The following PRG4 variants were observed in gnomAD, a reference collection of about 807,000 sequenced individuals.
The protein encoded by PRG4 is proteoglycan 4.
A neutral mutation model predicts 91.2 loss-of-function variants in PRG4; 61 were observed. The observed-to-expected ratio is 0.67, with a 90% CI of 0.54 to 0.83. PRG4 has a LOEUF of 0.83. Among genes scored for constraint, PRG4 ranks in the 40% least tolerant of loss-of-function variants. The probability of loss-of-function intolerance (pLI) is 0.00; values close to 1 mark genes in which losing one functional copy is unlikely to be tolerated. For missense variants in PRG4, 1,564 were observed against 1,714.2 expected, an observed-to-expected ratio of 0.91 and a Z score of 1.55; for synonymous variants, 576 against 614.2, an observed-to-expected ratio of 0.94 and a Z score of 0.92.
rs749892673 is a variant in PRG4 at position 186,313,740 on chromosome 1, G to A, written c.4177G>A (p.Gly1393Arg). The change falls in exon 13 of 13, where the codon GGG (glycine) becomes AGG (arginine). Residue 1393 changes from glycine (G) to arginine (R), a missense_variant. Physicochemically the swap from Gly to Arg is moderately radical, Grantham distance 125. Coordinates refer to ENST00000445192, the MANE Select transcript of PRG4 (RefSeq NM_005807.6). ...AGCAAGAGCAATTACTACTCGTTCT[G>A]GGCAGACCTTATCCAAAGTCTGGTA... The part of the protein sequence containing the change: ...RTARAITTRS[G>R]QTLSKVWYNC... 1 of 1,609,664 alleles carries A rather than the reference G, an allele frequency of 6.2e-7. No individual in the cohort carries two copies. Among genetic ancestry groups the A allele is most frequent in the East Asian group, 2.2e-5 (1 of 44,756 alleles).
chr1:186,302,779 T>C (rs1412062756), intron 4 of PRG4, among the ~76,000 whole-genome samples: 1 of 152,218 alleles, frequency 6.6e-6, no homozygotes, highest in African/African-American at 2.4e-5. Context: ...GTTTTGGCTG[T>C]GAGACAAGAA....
At position 186,308,408 on chromosome 1, in the gene PRG4, G is replaced by C. The variant is rs1157710917; in HGVS notation, c.2689G>C (p.Gly897Arg). 1 of 1,613,794 alleles carries C rather than the reference G, an allele frequency of 6.2e-7. No individual in the cohort carries two copies. The highest frequency in any genetic ancestry group is 8.5e-7 in the Non-Finnish European group (1 of 1,180,042). ...TCTTGAAAACAGTCCCAAGGAACCT[G>C]GTGTACCTACAACTAAGACTCCTGC... ...KALENSPKEP[G>R]VPTTKTPAAT... The change falls in exon 7 of 13, where the codon GGT becomes CGT. Residue 897 changes from glycine to arginine, a missense_variant. By Grantham distance (125) the Gly-to-Arg change is moderately radical (BLOSUM62 -2). Coordinates refer to ENST00000445192, the MANE Select transcript of PRG4 (RefSeq NM_005807.6).
chr1:186,308,314 G>A lies in PRG4; in HGVS notation c.2595G>A (p.Glu865=). Residue 865 remains glutamate (E), a synonymous_variant, in exon 7 of 13, where the codon GAG becomes GAA. Coordinates refer to ENST00000445192, the MANE Select transcript of PRG4 (RefSeq NM_005807.6). ...SEVSTPTTTK[E]PTTIHKSPDE... Reference sequence around the variant, plus strand: ...TCTCTACTCCAACTACCACCAAGGAGCCTACCACTATCCACAAAAGCCCTG... The same window carrying A: ...TCTCTACTCCAACTACCACCAAGGAACCTACCACTATCCACAAAAGCCCTG... 1.2e-6 allele frequency: 2 copies of A among 1,613,910 alleles called. No individual in the cohort carries two copies. The highest frequency in any genetic ancestry group is 1.7e-6 in the Non-Finnish European group (2 of 1,180,022).
chr1:186,304,780 T>C lies in PRG4; in HGVS notation c.470-14T>C, dbSNP rs966368958. 1.9e-6 allele frequency: 3 copies of C among 1,609,268 alleles called. No homozygotes were observed. Among genetic ancestry groups the C allele is most frequent in the Non-Finnish European group, 2.6e-6 (3 of 1,176,004 alleles). ...TCACAGTTGGTGTGATCAAACTTTCTATTTGATTTATAGAACATTCTGTTT... is the reference window on the plus strand; with the variant it reads ...TCACAGTTGGTGTGATCAAACTTTCCATTTGATTTATAGAACATTCTGTTT... On this transcript the variant is annotated splice_polypyrimidine_tract_variant and intron_variant, in intron 5 of 12. Coordinates refer to ENST00000445192, the MANE Select transcript of PRG4 (RefSeq NM_005807.6).
At position 186,307,882 on chromosome 1, in the gene PRG4, A is replaced by C; in HGVS notation, c.2163A>C (p.Ala721=). 2 of 1,556,896 alleles carry C rather than the reference A, an allele frequency of 1.3e-6. No homozygotes were observed. Among genetic ancestry groups the C allele is most frequent in the Non-Finnish European group, 1.7e-6 (2 of 1,155,398 alleles). Residue 721 remains alanine (A), a synonymous_variant, in exon 7 of 13, where the codon GCA becomes GCC. Coordinates refer to ENST00000445192, the MANE Select transcript of PRG4 (RefSeq NM_005807.6). The part of the protein sequence containing the change: ...GTAPTTLKEP[A]PTTPKKPAPK... ...CTCCAACTACCCTCAAGGAACCTGC[A>C]CCCACTACTCCCAAGAAGCCTGCCC...
In PRG4 at chr1:186,312,899, G is replaced by A; in HGVS notation, c.4117+5G>A. 6.2e-7 allele frequency: 1 copy of A among 1,610,756 alleles called. No homozygotes were observed. On this transcript the variant is annotated splice_donor_5th_base_variant and intron_variant, in intron 12 of 12. Transcript: ENST00000445192. ...ATTACTATGCCTTTTCTAAAGGTAA[G>A]GTATTAACTAACAGTTTCCCAAGGA...
chr1:186,308,897 C>T lies in PRG4; in HGVS notation c.3178C>T (p.Pro1060Ser). The change falls in exon 7 of 13, where the codon CCA (proline) becomes TCA (serine). Residue 1060 changes from proline to serine, a missense_variant. Around this residue, in one of 3 missense-constraint regions of PRG4, gnomAD observed 1,079 missense variants for 1,162.2 expected, o/e 0.93. Coordinates refer to ENST00000445192, the MANE Select transcript of PRG4 (RefSeq NM_005807.6). ...TCCCCGCAAGATGACATCAACAATGCCAGAATTGAACCCTACCTCAAGAAT... is the reference window on the plus strand; with the variant it reads ...TCCCCGCAAGATGACATCAACAATGTCAGAATTGAACCCTACCTCAAGAAT... The part of the protein sequence containing the change: ...PTPRKMTSTM[P>S]ELNPTSRIAE... The T allele has an allele frequency of 6.2e-7, 1 of 1,613,534 alleles. No homozygotes were observed. The highest frequency in any genetic ancestry group is 8.5e-7 in the Non-Finnish European group (1 of 1,179,806).
In PRG4 at chr1:186,311,058, C is replaced by G. The variant is rs995117613; in HGVS notation, c.3524C>G (p.Pro1175Arg). Reference sequence around the variant, plus strand: ...GGTCATTATTTCTGGATGCTAAGTCCATTCAGTCCACCATCTCCAGCTCGC... The same window carrying G: ...GGTCATTATTTCTGGATGCTAAGTCGATTCAGTCCACCATCTCCAGCTCGC... The part of the protein sequence containing the change: ...FRGHYFWMLS[P>R]FSPPSPARRI... Residue 1175 changes from proline (P) to arginine (R), a missense_variant, in exon 9 of 13, where the codon CCA becomes CGA. By Grantham distance (103) the Pro-to-Arg change is moderately radical. Coordinates refer to ENST00000445192, the MANE Select transcript of PRG4 (RefSeq NM_005807.6). 5 of 1,613,960 alleles carry G rather than the reference C, an allele frequency of 3.1e-6. No homozygotes were observed. The highest frequency in any genetic ancestry group is 4.2e-6 in the Non-Finnish European group (5 of 1,179,932).
Position 186,301,648 on chromosome 1 carries a change from T to C in PRG4, c.256T>C (p.Cys86Arg). 1 of 1,613,924 alleles carries C rather than the reference T, an allele frequency of 6.2e-7. No homozygotes were observed. Among genetic ancestry groups the C allele is most frequent in the Non-Finnish European group, 8.5e-7 (1 of 1,179,864 alleles). Reference protein sequence around the residue: ...ESFERGRECDCDAQCKKYDKC... With the variant: ...ESFERGRECDRDAQCKKYDKC... ...CTTCGAGAGAGGGAGGGAGTGTGAC[T>C]GCGACGCCCAATGTAAGAAGTATGA... Residue 86 changes from cysteine (C) to arginine (R), a missense_variant, in exon 4 of 13, where the codon TGC (cysteine) becomes CGC (arginine). Transcript: ENST00000445192.
At position 186,309,838 on chromosome 1, in the gene PRG4, C is replaced by T; in HGVS notation, c.3467C>T (p.Thr1156Ile). 1 of 1,613,768 alleles carries T rather than the reference C, an allele frequency of 6.2e-7. No homozygotes were observed. Among genetic ancestry groups the T allele is most frequent in the Non-Finnish European group, 8.5e-7 (1 of 1,179,776 alleles). Residue 1156 changes from threonine to isoleucine, a missense_variant, in exon 8 of 13, where the codon ACT becomes ATT. Around this residue, in one of 3 missense-constraint regions of PRG4, gnomAD observed 1,079 missense variants for 1,162.2 expected, o/e 0.93. Coordinates refer to ENST00000445192, the MANE Select transcript of PRG4 (RefSeq NM_005807.6). Reference sequence around the variant, plus strand: ...GGTAAGCCAGTAGATGGACTGACTACTTTGCGCAATGGGACATTAGTTGCA... The same window carrying T: ...GGTAAGCCAGTAGATGGACTGACTATTTTGCGCAATGGGACATTAGTTGCA... ...CNGKPVDGLT[T>I]LRNGTLVAFR... is the part of the protein sequence containing the mutation.
chr1:186,308,064 C>T lies in PRG4; in HGVS notation c.2345C>T (p.Ala782Val). The T allele has an allele frequency of 6.2e-7, 1 of 1,611,040 alleles. No individual in the cohort carries two copies. ...GCTCCAACTACCCCTAAGGGGACTG[C>T]TCCAACTACCCTCAAGGAACCTGCA... is the stretch of plus-strand genomic sequence containing the variant. ...EPAPTTPKGT[A>V]PTTLKEPAPT... The change falls in exon 7 of 13, where the codon GCT (alanine) becomes GTT (valine). Residue 782 changes from alanine to valine, a missense_variant. Transcript: ENST00000445192.
intron 6 of PRG4, among the ~76,000 whole-genome samples, chr1:186,305,989 AC>A (rs1303978526): frequency 6.6e-6 from 1 of 152,212 alleles, no homozygotes; most frequent in Non-Finnish European, 1.5e-5. Context: ...GAATAAGAGT[AC>A]AAAAAGTAGG....
chr1:186,305,864 G>C (rs1459863236), intron 6 of PRG4, among the ~76,000 whole-genome samples: 1 of 152,184 alleles, frequency 6.6e-6, no homozygotes, highest in Admixed American at 6.5e-5. Context: ...CAGGGACTGT[G>C]GGGGTGACTG....
At chr1:186,311,695 G>A in intron 10 of PRG4, 99 bp downstream of exon 10, 2 of 1,253,622 alleles carry the variant, frequency 1.6e-6, no homozygotes, top group Admixed American at 1.9e-5. Flanking sequence ...TATCTTTAAT[G>A]GCTGAAATCA....
In PRG4 at chr1:186,306,334, G is replaced by A. The variant is rs780647178; in HGVS notation, c.615G>A (p.Lys205=). The A allele has an allele frequency of 5.6e-6, 9 of 1,593,960 alleles. No homozygotes were observed. The highest frequency in any genetic ancestry group is 5.3e-5 in the Admixed American group (3 of 56,132). ...QKKLKVKDNK[K]NRTKKKPTPK... is the part of the protein sequence containing the mutation. ...TTTCTCCAGTAAAAGATAACAAGAAGAACAGAACTAAAAAGAAACCTACCC... is the reference window on the plus strand; with the variant it reads ...TTTCTCCAGTAAAAGATAACAAGAAAAACAGAACTAAAAAGAAACCTACCC... The change falls in exon 7 of 13, where the codon AAG becomes AAA. Residue 205 remains lysine, a synonymous_variant. Coordinates refer to ENST00000445192, the MANE Select transcript of PRG4 (RefSeq NM_005807.6).
At chr1:186,297,416 T>C in intron 2 of PRG4, among the ~76,000 whole-genome samples, 1 of 152,350 alleles carries the variant, frequency 6.6e-6, no homozygotes, top group Non-Finnish European at 1.5e-5. Flanking sequence ...CTATAGTGTT[T>C]CAAATGGCAT....
chr1:186,311,131 T>C lies in PRG4; in HGVS notation c.3597T>C (p.Phe1199=). The change falls in exon 9 of 13, where the codon TTT becomes TTC. Residue 1199 remains phenylalanine, a synonymous_variant. Coordinates refer to ENST00000445192, the MANE Select transcript of PRG4 (RefSeq NM_005807.6). ...TTCCTTCCCCCATTGATACTGTTTT[T>C]ACTAGGTGCAACTGTGAAGGAAAAA... ...WGIPSPIDTV[F]TRCNCEGKTF... 2 of 1,613,606 alleles carry C rather than the reference T, an allele frequency of 1.2e-6. No homozygotes were observed. The highest frequency in any genetic ancestry group is 1.7e-6 in the Non-Finnish European group (2 of 1,179,510).
At chr1:186,304,963 T>C (rs774562162) in intron 6 of PRG4, 41 bp downstream of exon 6, 24 of 1,591,100 alleles carry the variant, frequency 1.5e-5, no homozygotes, top group South Asian at 5.6e-5. Context: ...ATCAATGCCA[T>C]ATTAACAATG....
Position 186,306,604 on chromosome 1 carries a change from G to T in PRG4, c.885G>T (p.Gln295His), listed in dbSNP as rs775937759. Residue 295 changes from glutamine (Q) to histidine (H), a missense_variant, in exon 7 of 13, where the codon CAG becomes CAT. Physicochemically the swap from Gln to His is conservative, Grantham distance 24. Around this residue, in one of 3 missense-constraint regions of PRG4, gnomAD observed 437 missense variants for 459.0 expected, o/e 0.95. Coordinates refer to ENST00000445192, the MANE Select transcript of PRG4 (RefSeq NM_005807.6). ...ETKETTTTNK[Q>H]TSTDGKEKTT... ...AAGAAACTACTACAACAAATAAACA[G>T]ACTTCAACTGATGGAAAAGAGAAGA... 1.9e-5 allele frequency: 31 copies of T among 1,613,318 alleles called. No homozygotes were observed. Among genetic ancestry groups the T allele is most frequent in the Non-Finnish European group, 2.4e-5 (28 of 1,179,614 alleles).
Sources: allele counts gnomAD v4.1 joint callset (sites outside exome capture counted in the v4.1 genomes callset), GRCh38; gene constraint gnomAD v4.1.1; regional missense constraint gnomAD v4.1.1; transcripts MANE v1.5; gene names NCBI Gene and HGNC (gene_info 2026-07-23, HGNC 2026-07-21).